Variants in MARCHF5 observed in about 807,000 individuals in gnomAD.
MARCHF5 encodes E3 ubiquitin-protein ligase MARCHF5.
In MARCHF5, 5 loss-of-function variants were observed where a neutral mutation model predicts 36.5. The observed-to-expected ratio is 0.14, with a 90% confidence interval of 0.07 to 0.29. The LOEUF is 0.29. Ranked by LOEUF, MARCHF5 falls within the 10% of genes least tolerant of loss-of-function variation. The pLI, the probability that MARCHF5 is intolerant of heterozygous loss-of-function variation, is 1.00. For synonymous variants in MARCHF5, 103 were observed against 109.9 expected, an observed-to-expected ratio of 0.94 and a Z score of 0.39; for missense variants, 179 against 336.3, an observed-to-expected ratio of 0.53 and a Z score of 3.66.
At chr10:92,318,780 C>T (rs1246793036) in intron 2 of MARCHF5, among the ~76,000 whole-genome samples, 1 of 151,828 alleles carries the variant, frequency 6.6e-6, no homozygotes, top group African/African-American at 2.4e-5. Context: ...CTCACTGCAA[C>T]CTCTGCCTAC....
chr10:92,313,270 G>A (rs755674196), intron 2 of MARCHF5, among the ~76,000 whole-genome samples: 2 of 151,574 alleles, frequency 1.3e-5, no homozygotes, highest in African/African-American at 4.9e-5. Flanking sequence ...CTTTGGTTAA[G>A]CCATTTGTAT....
chr10:92,328,252 G>A (rs1843390092), intron 2 of MARCHF5, among the ~76,000 whole-genome samples: 1 of 148,112 alleles, frequency 6.8e-6, no homozygotes, highest in South Asian at 2.4e-4. Context: ...ATTACATTTA[G>A]TCATGTCTCC....
chr10:92,336,984 G>A lies in MARCHF5; in HGVS notation c.239-3689G>A, dbSNP rs545135650. 9.4e-4 allele frequency among the ~76,000 whole-genome samples: 143 copies of A among 152,064 alleles called. 3 individuals are homozygous for A. In the South Asian group the frequency reaches 0.029, roughly 31 times the overall value. On this transcript the variant is annotated intron_variant, in intron 2 of 5. Transcript: ENST00000358935. ...CAAAAAATACAAAGGTTAGCCAGGC[G>A]TGGTGGTGCACACCTGTAGTCCCAG... is the stretch of plus-strand genomic sequence containing the variant.
chr10:92,338,675 A>G (rs1843535246), intron 2 of MARCHF5, among the ~76,000 whole-genome samples: 1 of 152,234 alleles, frequency 6.6e-6, no homozygotes, highest in African/African-American at 2.4e-5. Context: ...ATACAGTGAC[A>G]TAGCGATATT....
In MARCHF5 at chr10:92,351,101, C is replaced by A; in HGVS notation, c.731C>A (p.Ala244Glu). 1 of 1,600,188 alleles carries A rather than the reference C, an allele frequency of 6.2e-7. No homozygotes were observed. The highest frequency in any genetic ancestry group is 8.6e-7 in the Non-Finnish European group (1 of 1,169,396). The change falls in exon 6 of 6, where the codon GCG becomes GAG. Residue 244 changes from alanine (A) to glutamate (E), a missense_variant. By Grantham distance (107) the Ala-to-Glu change is moderately radical. Transcript: ENST00000358935. ...TCCTTTTTATTTTAGGGTGGAATTG[C>A]GTTTGTTGCCATAAAAGGAGCATTT... ...NLQRTILGGI[A>E]FVAIKGAFKV...
intron 2 of MARCHF5, among the ~76,000 whole-genome samples, chr10:92,313,754 A>T (rs191094317): frequency 6.6e-6 from 1 of 152,050 alleles, no homozygotes; most frequent in East Asian, 1.9e-4. Flanking sequence ...TTAGCTGGGC[A>T]TGGTGGCACA....
chr10:92,349,189 T>C (rs747019538), intron 3 of MARCHF5, among the ~76,000 whole-genome samples, 160 bp from the exon 4 acceptor site: 3 of 152,252 alleles, frequency 2.0e-5, no homozygotes, highest in East Asian at 1.9e-4. Flanking sequence ...ACATTTCTTA[T>C]AAATAAATCA....
intron 2 of MARCHF5, among the ~76,000 whole-genome samples, chr10:92,339,236 G>A (rs763048569): frequency 1.3e-5 from 2 of 150,526 alleles, no homozygotes; most frequent in African/African-American, 2.5e-5. Flanking sequence ...TGGGCGTGGT[G>A]GCACATGCCT....
chr10:92,302,233 G>A (rs541417464), intron 1 of MARCHF5, among the ~76,000 whole-genome samples: 1 of 152,068 alleles, frequency 6.6e-6, no homozygotes, highest in African/African-American at 2.4e-5. Flanking sequence ...CAGTTGGAGG[G>A]CTGACTGTAT....
At chr10:92,320,889 C>G (rs1380709611) in intron 2 of MARCHF5, among the ~76,000 whole-genome samples, 1 of 151,964 alleles carries the variant, frequency 6.6e-6, no homozygotes, top group African/African-American at 2.4e-5. Context: ...CACTCATCAC[C>G]CATTCACTGA....
intron 2 of MARCHF5, among the ~76,000 whole-genome samples, chr10:92,319,453 G>A (rs2135194005): frequency 6.6e-6 from 1 of 151,386 alleles, no homozygotes; most frequent in African/African-American, 2.4e-5. Flanking sequence ...ACGCCACCAT[G>A]CCCGGCTAAT....
chr10:92,334,691 A>G (rs1843482139), intron 2 of MARCHF5: 2 of 152,224 alleles, frequency 1.3e-5, no homozygotes, highest in Non-Finnish European at 2.9e-5. Context: ...ATAAATTTTA[A>G]TTTATATTAC....
At chr10:92,303,314 G>C (rs1364010086) in intron 1 of MARCHF5, among the ~76,000 whole-genome samples, 1 of 152,102 alleles carries the variant, frequency 6.6e-6, no homozygotes, top group East Asian at 1.9e-4. Context: ...CAACCACATT[G>C]GTCTATGAAT....
At chr10:92,320,004 C>T (rs1437711250) in intron 2 of MARCHF5, among the ~76,000 whole-genome samples, 2 of 147,372 alleles carry the variant, frequency 1.4e-5, no homozygotes, top group Admixed American at 6.8e-5. Context: ...CAGAGTCTCA[C>T]TCTGTTGCCC....
At chr10:92,309,921 A>G (rs1251577467) in intron 1 of MARCHF5, among the ~76,000 whole-genome samples, 1 of 152,244 alleles carries the variant, frequency 6.6e-6, no homozygotes, top group African/African-American at 2.4e-5. Flanking sequence ...AAGGGTCAGA[A>G]TGCTAAACAA....
intron 2 of MARCHF5, among the ~76,000 whole-genome samples, chr10:92,315,850 T>C (rs1385359289): frequency 6.6e-6 from 1 of 152,218 alleles, no homozygotes; most frequent in Admixed American, 6.5e-5. Context: ...ATTTTCCTTA[T>C]TATGATAGTG....
At chr10:92,322,244 CAAAAAAAAAAAAA>C (rs56391697) in intron 2 of MARCHF5, among the ~76,000 whole-genome samples, 4 of 27,750 alleles carry the variant, frequency 1.4e-4, no homozygotes, top group South Asian at 2.9e-3. Context: ...AACTCCGTCT[CAAAAAAAAAAAAA>C]AAAAAAAAAA....
At chr10:92,330,387 A>G (rs1307568641) in intron 2 of MARCHF5, among the ~76,000 whole-genome samples, 1 of 152,138 alleles carries the variant, frequency 6.6e-6, no homozygotes, top group Non-Finnish European at 1.5e-5. Context: ...ATCTTTTTTT[A>G]AAAGGAGGGG....
chr10:92,308,786 G>C (rs569676787), intron 1 of MARCHF5, among the ~76,000 whole-genome samples: 3 of 150,982 alleles, frequency 2.0e-5, no homozygotes, highest in Non-Finnish European at 4.4e-5. Context: ...CTCACTGCAA[G>C]CTCCGCCTCC....
Sources: allele counts gnomAD v4.1 joint callset (sites outside exome capture counted in the v4.1 genomes callset), GRCh38; gene constraint gnomAD v4.1.1; transcripts MANE v1.5; gene names NCBI Gene and HGNC (gene_info 2026-07-23, HGNC 2026-07-21).